Variants in ACLY observed in about 807,000 individuals in gnomAD.
ACLY encodes ATP citrate lyase, also known as ATP-citrate synthase.
ACLY carries 41 observed loss-of-function variants against 133.0 expected under a neutral mutation model. The observed-to-expected ratio is 0.31, with a 90% CI of 0.24 to 0.40. The LOEUF (loss-of-function observed/expected upper bound fraction) is 0.40. Ranked by LOEUF, ACLY falls within the 10% of genes least tolerant of loss-of-function variation. The probability of loss-of-function intolerance (pLI) is 1.00; values close to 1 mark genes in which losing one functional copy is unlikely to be tolerated. For synonymous variants in ACLY, 495 were observed against 549.3 expected, an observed-to-expected ratio of 0.90 and a Z score of 1.38; for missense variants, 1,046 against 1,453.8, an observed-to-expected ratio of 0.72 and a Z score of 4.56.
chr17:41,926,557 T>C (rs4796740), intron 1 of ACLY, among the ~76,000 whole-genome samples: 133,666 of 151,648 alleles, frequency 0.88, 59,284 homozygotes, highest in East Asian at 1. Flanking sequence ...GGCACGATCT[T>C]GGCTCACTGC....
At chr17:41,881,745 T>G (rs2048923501) in intron 20 of ACLY, among the ~76,000 whole-genome samples, 2 of 152,124 alleles carry the variant, frequency 1.3e-5, no homozygotes, top group South Asian at 4.1e-4. Flanking sequence ...TATATGCCCC[T>G]GCCACCACGT....
At position 41,909,581 on chromosome 17, in the gene ACLY, G is replaced by T. The variant is rs387907384; in HGVS notation, c.465C>A (p.Gly155=). 34 of 1,614,074 alleles carry T rather than the reference G, an allele frequency of 2.1e-5. No individual in the cohort carries two copies. The South Asian group carries it at 3.5e-4, about 17-fold the overall frequency. ...VDAKAQKLLV[G]VDEKLNPEDI... is the part of the protein sequence containing the mutation. ...CCTCAGGATTCAGTTTCTCATCCAC[G>T]CCAACAAGCAGCTTCTGGGCCTTGG... Residue 155 remains glycine, a synonymous_variant, in exon 5 of 29, where the codon GGC becomes GGA. Coordinates refer to ENST00000352035, the MANE Select transcript of ACLY (RefSeq NM_001096.3).
At chr17:41,915,873 ACCAT>A (rs1346176979) in intron 1 of ACLY, among the ~76,000 whole-genome samples, 1 of 152,154 alleles carries the variant, frequency 6.6e-6, no homozygotes, top group Non-Finnish European at 1.5e-5. Context: ...GCAGTGGCTG[ACCAT>A]CCTCAGCAAT....
At chr17:41,903,009 G>A (rs1361002385) in intron 10 of ACLY, among the ~76,000 whole-genome samples, 1 of 151,910 alleles carries the variant, frequency 6.6e-6, no homozygotes, top group East Asian at 1.9e-4. Flanking sequence ...GCCTTGTCTT[G>A]AACTTCTGAG....
intron 1 of ACLY, among the ~76,000 whole-genome samples, chr17:41,917,929 A>C (rs1232817961): frequency 6.6e-6 from 1 of 152,180 alleles, no homozygotes; most frequent in Admixed American, 6.5e-5. Flanking sequence ...AACACAGAGG[A>C]AAGTTAAGGG....
chr17:41,909,462 G>C (rs782267754), intron 5 of ACLY, 48 bp downstream of exon 5: 36 of 1,587,746 alleles, frequency 2.3e-5, no homozygotes, highest in Admixed American at 3.4e-5. Flanking sequence ...AGAGCCTGTC[G>C]GTCTTCTCAT....
intron 7 of ACLY, among the ~76,000 whole-genome samples, chr17:41,907,149 T>G (rs934153781): frequency 1.3e-5 from 2 of 151,988 alleles, no homozygotes; most frequent in Non-Finnish European, 2.9e-5. Flanking sequence ...GAGAATGACC[T>G]TCCATCAGGA....
At chr17:41,894,171 C>T (rs1408465200) in intron 14 of ACLY, among the ~76,000 whole-genome samples, 2 of 147,042 alleles carry the variant, frequency 1.4e-5, no homozygotes, top group African/African-American at 5.1e-5. Flanking sequence ...GAGCCGAGAT[C>T]GTGCCAGTGC....
At chr17:41,897,907 A>G (rs2049419700) in intron 12 of ACLY, 68 bp from the exon 13 acceptor site, 1 of 1,382,432 alleles carries the variant, frequency 7.2e-7, no homozygotes, top group Non-Finnish European at 9.9e-7. Context: ...ACTGGTCCTT[A>G]AAGGCCCCAA....
chr17:41,893,278 G>A, intron 14 of ACLY, 104 bp from the exon 15 acceptor site: 1 of 1,293,336 alleles, frequency 7.7e-7, no homozygotes. Flanking sequence ...ATGTCCACAG[G>A]GTGATGCCTC....
At chr17:41,892,138 C>A (rs2049231117) in intron 16 of ACLY, 141 bp downstream of exon 16, 25 of 796,978 alleles carry the variant, frequency 3.1e-5, no homozygotes, top group South Asian at 3.1e-4. Flanking sequence ...AAATCCCCAG[C>A]CCTTTGTCCC....
intron 25 of ACLY, chr17:41,870,645 T>G (rs1176790672): frequency 6.6e-5 from 10 of 152,266 alleles, no homozygotes; most frequent in Admixed American, 6.5e-4. Flanking sequence ...CAAAGCACAA[T>G]ATAAGGACAT....
intron 11 of ACLY, among the ~76,000 whole-genome samples, chr17:41,900,829 G>A (rs922626765): frequency 3.3e-5 from 5 of 152,026 alleles, no homozygotes; most frequent in South Asian, 2.1e-4. Context: ...GTAGTGTCTC[G>A]CTGCCACTCT....
chr17:41,892,131 T>A, intron 16 of ACLY, 148 bp downstream of exon 16: 1 of 753,630 alleles, frequency 1.3e-6, no homozygotes. Context: ...TACTCCCAAA[T>A]CCCCAGCCCT....
rs189445696 is a variant in ACLY at position 41,904,511 on chromosome 17, A to G, written c.1065+218T>C. ...GCTTCAGGTGGGAGAGTTATAGTTC[A>G]GCGTAGCAGCTGCTTGCCCAGAGAC... On this transcript the variant is annotated intron_variant, in intron 10 of 28. Coordinates refer to ENST00000352035, the MANE Select transcript of ACLY (RefSeq NM_001096.3). The G allele has an allele frequency of 5.4e-5, 31 of 572,398 alleles. No homozygotes were observed. In the African/African-American group the frequency reaches 5.8e-4, roughly 11 times the overall value. 35.5% of individuals were successfully genotyped at this position (572,398 alleles called of 1,614,324 possible).
At chr17:41,883,942 T>C (rs1555627769) in intron 19 of ACLY, among the ~76,000 whole-genome samples, 3 of 152,054 alleles carry the variant, frequency 2.0e-5, no homozygotes, top group South Asian at 2.1e-4. Context: ...GTAGAGACCA[T>C]GGCCAGCCAG....
chr17:41,921,384 C>T (rs1479029250), upstream of ACLY, among the ~76,000 whole-genome samples: 2 of 146,418 alleles, frequency 1.4e-5, no homozygotes, highest in African/African-American at 5.1e-5. Flanking sequence ...CTTGGGAGAC[C>T]GAGGTGGAAG....
At chr17:41,885,352 C>T (rs567390950) in intron 18 of ACLY, among the ~76,000 whole-genome samples, 12 of 152,242 alleles carry the variant, frequency 7.9e-5, no homozygotes, top group African/African-American at 2.4e-4. Flanking sequence ...GGCATCCTAT[C>T]GGAAATCATG....
chr17:41,910,329 C>T (rs1555633453), intron 3 of ACLY, 45 bp from the exon 4 acceptor site: 9 of 1,573,452 alleles, frequency 5.7e-6, no homozygotes, highest in Non-Finnish European at 7.8e-6. Flanking sequence ...GACAGCACGT[C>T]TTGCCCCTAG....
Sources: allele counts gnomAD v4.1 joint callset (sites outside exome capture counted in the v4.1 genomes callset), GRCh38; gene constraint gnomAD v4.1.1; transcripts MANE v1.5; gene names NCBI Gene and HGNC (gene_info 2026-07-23, HGNC 2026-07-21).